KCND3: variants seen among roughly 807,000 people sequenced by gnomAD.
The protein encoded by KCND3 is A-type voltage-gated potassium channel KCND3.
A neutral mutation model predicts 51.1 loss-of-function variants in KCND3; 9 were observed. The observed-to-expected ratio is 0.18, with a 90% confidence interval of 0.11 to 0.31. The LOEUF is 0.31. KCND3 is among the 10% of genes least tolerant of loss of function. The pLI is 1.00. For synonymous variants in KCND3, 349 were observed against 368.0 expected (o/e 0.95, Z 0.59); for missense variants, 526 against 903.8 (o/e 0.58, Z 5.36).
rs6666971 is a variant in KCND3, at chr1:111,839,646, A to G, written c.1107-52540T>C. Among the ~76,000 whole-genome samples, 890 of 152,362 alleles carry G rather than the reference A, an allele frequency of 5.8e-3. 11 individuals are homozygous for G. The highest frequency in any genetic ancestry group is 0.02 in the African/African-American group (822 of 41,584). ...ACTAATGATGGCTAATATGTATTGA[A>G]CCAAATGTGCCGGCACTAGGCCAAG... On this transcript the variant is annotated intron_variant, in intron 2 of 7. Coordinates refer to ENST00000302127, the MANE Select transcript of KCND3 (RefSeq NM_001378969.1).
At chr1:111,919,503 A>C (rs1671378601) in intron 2 of KCND3, among the ~76,000 whole-genome samples, 2 of 152,112 alleles carry the variant, frequency 1.3e-5, no homozygotes, top group Non-Finnish European at 2.9e-5. Context: ...AAAGAAGGCC[A>C]GAGGAGATAA....
rs1366838063 is a variant in KCND3, at chr1:111,780,244, T to C, written c.1442A>G (p.His481Arg). The change falls in exon 5 of 8, where the codon CAC (histidine) becomes CGC (arginine). Residue 481 changes from histidine (H) to arginine (R), a missense_variant. Around this residue, in one of 5 missense-constraint regions of KCND3, gnomAD observed 266 missense variants for 305.5 expected, o/e 0.87. Coordinates refer to ENST00000302127, the MANE Select transcript of KCND3 (RefSeq NM_001378969.1). The surrounding 1 kb of genome is among the most constrained non-coding windows in gnomAD (Gnocchi z 4.2). Reference sequence around the variant, plus strand: ...ACTCACAGTGGTTTTTTCCAGGCAGTGCAGCAGGTGATGATGCTGGCTCTC... The same window carrying C: ...ACTCACAGTGGTTTTTTCCAGGCAGCGCAGCAGGTGATGATGCTGGCTCTC... The part of the protein sequence containing the change: ...LIESQHHHLL[H>R]CLEKTTGLSY... The C allele has an allele frequency of 5.7e-6, 9 of 1,590,122 alleles. No individual in the cohort carries two copies. Among genetic ancestry groups the C allele is most frequent in the African/African-American group, 1.3e-5 (1 of 74,712 alleles).
intron 2 of KCND3, among the ~76,000 whole-genome samples, chr1:111,901,238 T>C (rs1021303674): frequency 3.3e-5 from 5 of 152,014 alleles, no homozygotes; most frequent in African/African-American, 1.2e-4. Context: ...GTCCAAAGGG[T>C]GATGTGTTAT....
intron 2 of KCND3, among the ~76,000 whole-genome samples, chr1:111,955,797 A>G (rs556065167): frequency 6.6e-6 from 1 of 152,332 alleles, no homozygotes; most frequent in East Asian, 1.9e-4. Context: ...ACCCTACATG[A>G]CCAGCACTGT....
At chr1:111,917,175 C>T (rs1280904699) in intron 2 of KCND3, among the ~76,000 whole-genome samples, 1 of 152,196 alleles carries the variant, frequency 6.6e-6, no homozygotes, top group Non-Finnish European at 1.5e-5. Context: ...CTCCCTTGGA[C>T]TGATAACAAG....
chr1:111,961,245 G>A (rs765907792), intron 2 of KCND3, among the ~76,000 whole-genome samples: 4 of 152,312 alleles, frequency 2.6e-5, no homozygotes, highest in South Asian at 2.1e-4. Flanking sequence ...AAATATAGGC[G>A]CCAGCGAGGC....
chr1:111,927,002 C>G (rs1488645395), intron 2 of KCND3, among the ~76,000 whole-genome samples: 1 of 152,176 alleles, frequency 6.6e-6, no homozygotes, highest in African/African-American at 2.4e-5. Flanking sequence ...TAACTGAGTA[C>G]TTACTAGGGG....
chr1:111,776,574 G>A (rs935192324), intron 7 of KCND3, among the ~76,000 whole-genome samples: 14 of 152,108 alleles, frequency 9.2e-5, no homozygotes, highest in Admixed American at 6.6e-5. Context: ...TCTCTGCAAC[G>A]CATTTGGAGG....
At chr1:111,941,262 G>A (rs1314866375) in intron 2 of KCND3, among the ~76,000 whole-genome samples, 1 of 152,096 alleles carries the variant, frequency 6.6e-6, no homozygotes, top group African/African-American at 2.4e-5. Flanking sequence ...GAAGGGTGTC[G>A]GCTCTGTGTC....
At position 111,948,232 on chromosome 1, in the gene KCND3, G is replaced by C. The variant is rs115995753; in HGVS notation, c.1106+33389C>G. ...TACAGAAAGATCTATTTCAAGCCAC[G>C]GGGCTGGTGCTGGCCATGGGCTCCC... On this transcript the variant is annotated intron_variant, in intron 2 of 7. Coordinates refer to ENST00000302127, the MANE Select transcript of KCND3 (RefSeq NM_001378969.1). Among the ~76,000 whole-genome samples the C allele has an allele frequency of 3.7e-3, 556 of 152,304 alleles. 4 individuals carry two copies. The highest frequency in any genetic ancestry group is 0.013 in the African/African-American group (532 of 41,570).
chr1:111,964,672 T>C (rs1329236353), intron 2 of KCND3, among the ~76,000 whole-genome samples: 2 of 152,186 alleles, frequency 1.3e-5, no homozygotes, highest in Non-Finnish European at 2.9e-5. Flanking sequence ...TTTGAAATTC[T>C]AGGTGTTACT....
intron 2 of KCND3, among the ~76,000 whole-genome samples, chr1:111,941,303 G>A (rs1672506280): frequency 1.3e-5 from 2 of 152,212 alleles, no homozygotes; most frequent in South Asian, 4.1e-4. Context: ...GGTGCCTTCT[G>A]CTGGTGGGAC....
At chr1:111,831,118 A>T (rs573235610) in intron 2 of KCND3, among the ~76,000 whole-genome samples, 1 of 151,854 alleles carries the variant, frequency 6.6e-6, no homozygotes, top group Non-Finnish European at 1.5e-5. Flanking sequence ...GGCTGTGCTG[A>T]CTCCCCCTTT....
chr1:111,987,744 A>C (rs1277274972), intron 1 of KCND3, among the ~76,000 whole-genome samples: 1 of 152,204 alleles, frequency 6.6e-6, no homozygotes, highest in Non-Finnish European at 1.5e-5. Flanking sequence ...ATGGCACTGC[A>C]CATGCCTCAA....
rs966035818 is a variant in KCND3 at position 111,989,520 on chromosome 1, C to T, written c.-88G>A. ...TCCCTCTTACCTTCCGCGAAGCCAG[C>T]CCGGGCCCCGCGCCCGGCGCCCCGC... On this transcript the variant is annotated 5_prime_UTR_variant, in exon 1 of 8. Transcript: ENST00000302127. Among the ~76,000 whole-genome samples the T allele has an allele frequency of 1.2e-4, 18 of 151,154 alleles. No homozygotes were observed. The highest frequency in any genetic ancestry group is 3.4e-3 in the Middle Eastern group (1 of 292).
chr1:111,822,047 T>A (rs939916235), intron 2 of KCND3, among the ~76,000 whole-genome samples: 6 of 151,692 alleles, frequency 4.0e-5, no homozygotes, highest in African/African-American at 1.5e-4. Flanking sequence ...ATTATATTTC[T>A]AACCTCCTCT....
chr1:111,907,864 C>T (rs1246057314), intron 2 of KCND3, among the ~76,000 whole-genome samples: 1 of 152,206 alleles, frequency 6.6e-6, no homozygotes, highest in Non-Finnish European at 1.5e-5. Context: ...GCTCTTCTAC[C>T]AGCTTTTTAA....
At chr1:111,816,935 C>T (rs1666117497) in intron 2 of KCND3, among the ~76,000 whole-genome samples, 1 of 152,178 alleles carries the variant, frequency 6.6e-6, no homozygotes, top group Non-Finnish European at 1.5e-5. Context: ...TGGTGCAGTC[C>T]ACAAGCACAG....
chr1:111,943,332 A>G (rs999036838), intron 2 of KCND3, among the ~76,000 whole-genome samples: 1 of 152,060 alleles, frequency 6.6e-6, no homozygotes, highest in Non-Finnish European at 1.5e-5. Context: ...CACCATGCCC[A>G]GCCTCACCCA....
Sources: allele counts gnomAD v4.1 joint callset (sites outside exome capture counted in the v4.1 genomes callset), GRCh38; gene constraint gnomAD v4.1.1; regional missense constraint gnomAD v4.1.1; non-coding constraint Gnocchi (gnomAD v3.1); transcripts MANE v1.5; gene names NCBI Gene and HGNC (gene_info 2026-07-23, HGNC 2026-07-21).